Variants in SCEL observed in about 807,000 individuals in gnomAD.
The protein encoded by SCEL is sciellin.
Under a neutral mutation model 117.6 loss-of-function variants are expected in SCEL, and 113 were observed. The observed-to-expected ratio is 0.96, with a 90% CI of 0.83 to 1.12. The LOEUF is 1.12. SCEL is among the 50% of genes most tolerant of loss of function. The pLI is 0.00. For synonymous variants in SCEL, 270 were observed against 256.2 expected, an observed-to-expected ratio of 1.05 and a Z score of -0.51; for missense variants, 785 against 810.8, an observed-to-expected ratio of 0.97 and a Z score of 0.39.
At chr13:77,562,555 A>G (rs904179106) in intron 4 of SCEL, among the ~76,000 whole-genome samples, 17 of 152,198 alleles carry the variant, frequency 1.1e-4, no homozygotes, top group Non-Finnish European at 2.4e-4. Flanking sequence ...TATACCTAGA[A>G]ATCAGCTTTC....
chr13:77,554,075 G>A (rs1044028193), intron 1 of SCEL, among the ~76,000 whole-genome samples: 4 of 152,158 alleles, frequency 2.6e-5, no homozygotes, highest in African/African-American at 9.7e-5. Flanking sequence ...GCATTTGGGT[G>A]CTTGTGGCTT....
At chr13:77,586,005 T>C (rs1278424671) in intron 9 of SCEL, among the ~76,000 whole-genome samples, 1 of 152,122 alleles carries the variant, frequency 6.6e-6, no homozygotes. Context: ...CTGTTAATTT[T>C]AACTCCCTCC....
intron 9 of SCEL, among the ~76,000 whole-genome samples, chr13:77,586,397 C>A (rs919446176): frequency 3.9e-5 from 6 of 152,120 alleles, no homozygotes; most frequent in Non-Finnish European, 8.8e-5. Flanking sequence ...TCCTTTGATT[C>A]CAGGAATTCC....
chr13:77,628,190 ATC>A (rs886572110), intron 28 of SCEL, among the ~76,000 whole-genome samples, 181 bp downstream of exon 28: 4 of 144,440 alleles, frequency 2.8e-5, no homozygotes, highest in Admixed American at 7.1e-5. Flanking sequence ...ATATATATAT[ATC>A]ATCCAAATAC....
At chr13:77,536,836 G>A (rs1156274969) in intron 1 of SCEL, among the ~76,000 whole-genome samples, 2 of 152,216 alleles carry the variant, frequency 1.3e-5, no homozygotes, top group Non-Finnish European at 2.9e-5. Flanking sequence ...GTCACCTGCA[G>A]TCTGAGAGGG....
chr13:77,613,996 T>C (rs1393910577), intron 24 of SCEL, 41 bp downstream of exon 24: 1 of 1,447,892 alleles, frequency 6.9e-7, no homozygotes, highest in South Asian at 1.2e-5. Flanking sequence ...TCTCGTTAAG[T>C]AAACCCAAAA....
At chr13:77,599,987 A>G (rs1285403760) in intron 15 of SCEL, 2 of 479,674 alleles carry the variant, frequency 4.2e-6, no homozygotes, top group Non-Finnish European at 7.5e-6. Context: ...AATGAAGGAT[A>G]TGACCTAGAT....
chr13:77,554,948 C>T (rs960019272), intron 1 of SCEL, among the ~76,000 whole-genome samples: 1 of 152,086 alleles, frequency 6.6e-6, no homozygotes, highest in Non-Finnish European at 1.5e-5. Flanking sequence ...CAGGAAGACC[C>T]AGAGCTAACT....
At chr13:77,575,558 AG>A (rs2085894258) in intron 9 of SCEL, among the ~76,000 whole-genome samples, 1 of 152,248 alleles carries the variant, frequency 6.6e-6, no homozygotes, top group Non-Finnish European at 1.5e-5. Context: ...AAGAGAGTTC[AG>A]ACCTGGGTGA....
chr13:77,613,798 TC>T, intron 23 of SCEL, 94 bp from the exon 24 acceptor site: 2 of 949,364 alleles, frequency 2.1e-6, no homozygotes, highest in Non-Finnish European at 3.4e-6. Context: ...ACTTATGAGT[TC>T]TTACACTAGG....
chr13:77,612,272 A>G (rs2088691263), intron 22 of SCEL, among the ~76,000 whole-genome samples: 1 of 152,120 alleles, frequency 6.6e-6, no homozygotes, highest in African/African-American at 2.4e-5. Context: ...ATGAATGCCT[A>G]TGTGAGTGTT....
At chr13:77,595,283 T>C (rs2087156262) in intron 12 of SCEL, among the ~76,000 whole-genome samples, 1 of 152,142 alleles carries the variant, frequency 6.6e-6, no homozygotes, top group African/African-American at 2.4e-5. Context: ...TCATAGAGTA[T>C]TGTTTCTTTG....
chr13:77,551,742 G>A (rs1045678336), intron 1 of SCEL, among the ~76,000 whole-genome samples: 3 of 152,060 alleles, frequency 2.0e-5, no homozygotes, highest in African/African-American at 7.2e-5. Flanking sequence ...TGTGCACAAT[G>A]TGCAGGTTAG....
chr13:77,621,553 C>T (rs1043433588), intron 27 of SCEL, among the ~76,000 whole-genome samples: 2 of 152,260 alleles, frequency 1.3e-5, no homozygotes, highest in African/African-American at 4.8e-5. Flanking sequence ...TTGGTCTCTT[C>T]GAGGGAGTTA....
chr13:77,606,158 A>G (rs1471613132), intron 19 of SCEL, among the ~76,000 whole-genome samples: 1 of 152,094 alleles, frequency 6.6e-6, no homozygotes, highest in African/African-American at 2.4e-5. Context: ...GTAATTTCCC[A>G]TGTACATGAG....
At chr13:77,587,602 C>T (rs1038048040) in intron 9 of SCEL, among the ~76,000 whole-genome samples, 1 of 152,060 alleles carries the variant, frequency 6.6e-6, no homozygotes, top group Non-Finnish European at 1.5e-5. Flanking sequence ...ACTCTGTTGG[C>T]CAAACCATGG....
intron 31 of SCEL, 118 bp downstream of exon 31, chr13:77,640,902 C>T (rs1354211146): frequency 3.6e-6 from 2 of 557,862 alleles, no homozygotes; most frequent in Non-Finnish European, 3.2e-6. Flanking sequence ...CTGTCAGCCA[C>T]ATTAATAGTA....
intron 24 of SCEL, among the ~76,000 whole-genome samples, chr13:77,615,529 C>A (rs189402117): frequency 1.5e-4 from 23 of 152,218 alleles, no homozygotes; most frequent in African/African-American, 5.5e-4. Context: ...AAACACTTTA[C>A]AGCTTTTAAA....
At chr13:77,563,309 G>A (rs1409467485) in intron 4 of SCEL, among the ~76,000 whole-genome samples, 2 of 147,998 alleles carry the variant, frequency 1.4e-5, no homozygotes, top group Non-Finnish European at 3.0e-5. Flanking sequence ...TTTCTTTCCT[G>A]TCTTTCCCCT....
Sources: allele counts gnomAD v4.1 joint callset (sites outside exome capture counted in the v4.1 genomes callset), GRCh38; gene constraint gnomAD v4.1.1; transcripts MANE v1.5; gene names NCBI Gene and HGNC (gene_info 2026-07-23, HGNC 2026-07-21).